MYLK: variants seen among roughly 807,000 people sequenced by gnomAD.
The protein encoded by MYLK is myosin light chain kinase, also known as myosin light chain kinase, smooth muscle.
Under a neutral mutation model 203.4 loss-of-function variants are expected in MYLK, and 106 were observed. The observed-to-expected ratio is 0.52, with a 90% CI of 0.45 to 0.61. MYLK has a LOEUF of 0.61. Ranked by LOEUF, MYLK falls within the 20% of genes least tolerant of loss-of-function variation. The pLI, the probability that MYLK is intolerant of heterozygous loss-of-function variation, is 0.00. For missense variants in MYLK, 2,072 were observed against 2,442.3 expected, an observed-to-expected ratio of 0.85 and a Z score of 3.20; for synonymous variants, 867 against 959.5, an observed-to-expected ratio of 0.90 and a Z score of 1.78.
At chr3:123,684,936 GAGA>G (rs1473223151) in intron 19 of MYLK, among the ~76,000 whole-genome samples, 1 of 152,238 alleles carries the variant, frequency 6.6e-6, no homozygotes, top group East Asian at 1.9e-4. Flanking sequence ...ATAGAGGAGG[GAGA>G]AGAAGAAGGA....
chr3:123,667,647 G>C (rs1181263801), intron 20 of MYLK, among the ~76,000 whole-genome samples: 1 of 151,776 alleles, frequency 6.6e-6, no homozygotes, highest in Admixed American at 6.6e-5. Flanking sequence ...TATGTCTTTT[G>C]AGAGATCACT....
chr3:123,621,918 C>G (rs1188612056), intron 31 of MYLK: 1 of 152,318 alleles, frequency 6.6e-6, no homozygotes, highest in East Asian at 1.9e-4. Flanking sequence ...TAACTGTGCG[C>G]AGAACCACCG....
At chr3:123,692,352 G>A (rs1009290518) in intron 19 of MYLK, 24 of 1,172,452 alleles carry the variant, frequency 2.0e-5, no homozygotes, top group South Asian at 6.8e-5. Flanking sequence ...CTGCTGGGTC[G>A]TCCTGCCAGC....
intron 18 of MYLK, chr3:123,698,775 C>G (rs946360927): frequency 6.4e-6 from 1 of 157,424 alleles, no homozygotes; most frequent in African/African-American, 2.4e-5. Context: ...TCCAGGTGTG[C>G]TGTCCCAGAT....
intron 3 of MYLK, among the ~76,000 whole-genome samples, chr3:123,815,068 C>T (rs1247537451): frequency 6.6e-6 from 1 of 152,200 alleles, no homozygotes; most frequent in Non-Finnish European, 1.5e-5. Context: ...ACTGGGATTA[C>T]AGGCATGAGC....
chr3:123,820,636 T>TTCCTTCCTTCCC (rs2065896065), intron 3 of MYLK, among the ~76,000 whole-genome samples: 1 of 123,848 alleles, frequency 8.1e-6, no homozygotes, highest in Admixed American at 8.7e-5. Context: ...CCTTCCTTCC[T>TTCCTTCCTTCCC]TCCTTCCCTC....
At chr3:123,732,802 G>T in intron 11 of MYLK, 94 bp downstream of exon 11, 3 of 1,234,932 alleles carry the variant, frequency 2.4e-6, no homozygotes, top group South Asian at 2.5e-5. Context: ...CCAAGGCAGG[G>T]GGCTATAGGA....
chr3:123,794,985 T>C (rs544329895), intron 3 of MYLK, among the ~76,000 whole-genome samples: 3 of 152,242 alleles, frequency 2.0e-5, no homozygotes, highest in Admixed American at 6.5e-5. Flanking sequence ...TACACAGCTA[T>C]TGAGTGGCAG....
At chr3:123,622,935 A>C (rs1276267805) in intron 31 of MYLK, 2 of 152,244 alleles carry the variant, frequency 1.3e-5, no homozygotes, top group Non-Finnish European at 2.9e-5. Context: ...GCAATTGCCC[A>C]GGCTGGGTTC....
chr3:123,619,511 G>C lies in MYLK; in HGVS notation c.5368+696C>G, dbSNP rs150204229. Among the ~76,000 whole-genome samples, 354 of 152,274 alleles carry C rather than the reference G, an allele frequency of 2.3e-3. 1 individual carries two copies. The highest frequency in any genetic ancestry group is 4.0e-3 in the Non-Finnish European group (273 of 68,028). On this transcript the variant is annotated intron_variant, in intron 32 of 33. Transcript: ENST00000360304. ...ATCTAAACTCAGATTCTCACCTGTGGATACAAAAAGCACCAGGCAGGGAGG... is the reference window on the plus strand; with the variant it reads ...ATCTAAACTCAGATTCTCACCTGTGCATACAAAAAGCACCAGGCAGGGAGG...
intron 1 of MYLK, among the ~76,000 whole-genome samples, chr3:123,878,048 A>G (rs1007866862): frequency 1.3e-5 from 2 of 152,172 alleles, no homozygotes; most frequent in African/African-American, 4.8e-5. Context: ...GAGCACCTCC[A>G]TTTACCCCAT....
At chr3:123,690,440 C>G (rs1047583512) in intron 19 of MYLK, among the ~76,000 whole-genome samples, 3 of 152,096 alleles carry the variant, frequency 2.0e-5, no homozygotes, top group African/African-American at 4.8e-5. Context: ...CACTGGGATC[C>G]CCAAGTCAAG....
At chr3:123,679,290 A>G (rs2108435518) in intron 20 of MYLK, among the ~76,000 whole-genome samples, 1 of 146,756 alleles carries the variant, frequency 6.8e-6, no homozygotes, top group South Asian at 2.2e-4. Context: ...CTGGTGACAG[A>G]GCGAGACTCT....
chr3:123,627,628 G>T (rs537658387), intron 30 of MYLK, among the ~76,000 whole-genome samples: 1 of 152,140 alleles, frequency 6.6e-6, no homozygotes, highest in Non-Finnish European at 1.5e-5. Flanking sequence ...AAAATGACTG[G>T]AAAGAAGTAT....
chr3:123,731,053 G>A (rs530595049), intron 11 of MYLK, among the ~76,000 whole-genome samples: 4 of 152,268 alleles, frequency 2.6e-5, no homozygotes, highest in Non-Finnish European at 5.9e-5. Flanking sequence ...AGCCACAGGA[G>A]AATCTAGGCC....
intron 20 of MYLK, among the ~76,000 whole-genome samples, chr3:123,678,930 A>G (rs1034811332): frequency 1.3e-5 from 2 of 152,216 alleles, no homozygotes; most frequent in African/African-American, 4.8e-5. Flanking sequence ...AAAATGGTTA[A>G]ATAAGAATGT....
chr3:123,657,580 A>G, intron 23 of MYLK, 152 bp from the exon 24 acceptor site: 1 of 742,120 alleles, frequency 1.3e-6, no homozygotes, highest in African/African-American at 1.8e-5. Context: ...CGCACATCAC[A>G]GTTAGAGCTA....
intron 28 of MYLK, chr3:123,638,788 A>G: frequency 1.0e-6 from 1 of 985,308 alleles, no homozygotes; most frequent in Non-Finnish European, 1.2e-6. Context: ...GTCCTTCAGG[A>G]GCTACTGGTA....
In MYLK at chr3:123,648,504, G is replaced by T. The variant is rs1450276042; in HGVS notation, c.4415+467C>A. 6.6e-6 allele frequency among the ~76,000 whole-genome samples: 1 copy of T among 152,006 alleles called. No homozygotes were observed. The highest frequency in any genetic ancestry group is 2.4e-5 in the African/African-American group (1 of 41,366). ...TTATTTTATTGTTTTTAAGTTCCAG[G>T]GTACATGTGCAGGATGTGTACGTTA... On this transcript the variant is annotated intron_variant, in intron 26 of 33. Coordinates refer to ENST00000360304, the MANE Select transcript of MYLK (RefSeq NM_053025.4). This position sits in a 1 kb window ranked among gnomAD's most constrained non-coding sequence, Gnocchi z 4.5.
Sources: allele counts gnomAD v4.1 joint callset (sites outside exome capture counted in the v4.1 genomes callset), GRCh38; gene constraint gnomAD v4.1.1; non-coding constraint Gnocchi (gnomAD v3.1); transcripts MANE v1.5; gene names NCBI Gene and HGNC (gene_info 2026-07-23, HGNC 2026-07-21).